CIAO3: variants seen among roughly 807,000 people sequenced by gnomAD.
CIAO3 encodes the protein LET1 like/JFP15.
Under a neutral mutation model 51.5 loss-of-function variants are expected in CIAO3, and 45 were observed. That is an observed-to-expected ratio of 0.87 (90% CI 0.69 to 1.12). CIAO3 has a LOEUF of 1.12. Ranked by LOEUF, CIAO3 falls within the 50% of genes most tolerant of loss-of-function variation. The pLI is 0.00. For synonymous variants in CIAO3, 314 were observed against 269.3 expected (o/e 1.17, Z -1.63); for missense variants, 668 against 632.5 (o/e 1.06, Z -0.60).
In CIAO3 at chr16:731,171, C is replaced by T. The variant is rs1457136602; in HGVS notation, c.1035-171G>A. ...ACGGAGAGAGAGGGTGGAAGGCTCA[C>T]TTCCTTGAGTCCAGCAGGGGACCTC... On this transcript the variant is annotated intron_variant, in intron 9 of 10. Coordinates refer to ENST00000251588, the MANE Select transcript of CIAO3 (RefSeq NM_022493.3). The T allele has an allele frequency of 2.2e-5, 19 of 858,370 alleles. 1 individual carries two copies. Among genetic ancestry groups the T allele is most frequent in the Admixed American group, 1.4e-4 (5 of 34,866 alleles). The allele number at this position is 858,370 out of a possible 1,614,324, so 53.2% of individuals were successfully genotyped here.
chr16:732,067 G>T, intron 8 of CIAO3: 1 of 554,822 alleles, frequency 1.8e-6, no homozygotes, highest in Non-Finnish European at 3.2e-6. Flanking sequence ...TAGTAGAGAT[G>T]AGGTTTCACC....
intron 3 of CIAO3, among the ~76,000 whole-genome samples, 184 bp from the exon 4 acceptor site, chr16:736,582 G>A (rs60385054): frequency 0.062 from 9,382 of 151,666 alleles, 981 homozygotes; most frequent in African/African-American, 0.22. Flanking sequence ...TGGTGCGATC[G>A]GAGCTCACTG....
In CIAO3 at chr16:737,025, G is replaced by T. The variant is rs1329107947; in HGVS notation, c.306+161C>A. The T allele has an allele frequency of 1.2e-6, 1 of 845,766 alleles. No individual in the cohort carries two copies. Among genetic ancestry groups the T allele is most frequent in the Non-Finnish European group, 1.9e-6 (1 of 536,056 alleles). The allele number at this position is 845,766 out of a possible 1,614,324, so 52.4% of individuals were successfully genotyped here. On this transcript the variant is annotated intron_variant, in intron 3 of 10. Transcript: ENST00000251588. The surrounding 1 kb of genome is among the most constrained non-coding windows in gnomAD (Gnocchi z 5.3). Reference sequence around the variant, plus strand: ...TTGGGGCCTGACACGTTCACCACTGGAGCCCACTGACAAATCACCAAGATT... The same window carrying T: ...TTGGGGCCTGACACGTTCACCACTGTAGCCCACTGACAAATCACCAAGATT...
chr16:739,515 A>T lies in CIAO3; in HGVS notation c.162+128T>A, dbSNP rs751310042. ...GCCTCCCAGATGGCAGGTGAATTCG[A>T]CCAGTGGGAAAAGACTGGTGAGACC... On this transcript the variant is annotated intron_variant, in intron 2 of 10. Transcript: ENST00000251588. The T allele has an allele frequency of 4.2e-6, 4 of 952,592 alleles. No homozygotes were observed. In the East Asian group the frequency reaches 7.4e-5, roughly 18 times the overall value. The allele number at this position is 952,592 out of a possible 1,614,324, so 59.0% of individuals were successfully genotyped here. A position where few individuals can be genotyped will look rare whatever the true frequency, so the allele number is the denominator to read the frequency against.
intron 9 of CIAO3, 105 bp downstream of exon 9, chr16:731,460 C>G: frequency 1.4e-6 from 2 of 1,401,798 alleles, no homozygotes; most frequent in Non-Finnish European, 1.9e-6. Flanking sequence ...AGGCTGCCCT[C>G]CACCCAGCCC....
chr16:739,660 A>AG lies in CIAO3; in HGVS notation c.144dup (p.Tyr49LeufsTer5). ...TGCCTTACTTGGTTAATTTGGAAGT[A>AG]GCTCCCGTCATCTTCAATGCGAATC... On this transcript the variant is annotated frameshift_variant, in exon 2 of 11. Coordinates refer to ENST00000251588, the MANE Select transcript of CIAO3 (RefSeq NM_022493.3). LOFTEE classifies it high-confidence loss of function. The AG allele has an allele frequency of 6.2e-7, 1 of 1,614,128 alleles. No individual in the cohort carries two copies. The highest frequency in any genetic ancestry group is 1.6e-4 in the Middle Eastern group (1 of 6,062).
chr16:736,563 G>A (rs1018525555), intron 3 of CIAO3, among the ~76,000 whole-genome samples, 165 bp from the exon 4 acceptor site: 11 of 151,910 alleles, frequency 7.2e-5, no homozygotes, highest in Non-Finnish European at 1.5e-4. Context: ...TGCCCAGGCT[G>A]GAGTGCAGTG....
Position 737,317 on chromosome 16 carries a change from G to A in CIAO3, c.175C>T (p.Arg59Trp), listed in dbSNP as rs766549702. 47 of 1,612,990 alleles carry A rather than the reference G, an allele frequency of 2.9e-5. No homozygotes were observed. Among genetic ancestry groups the A allele is most frequent in the East Asian group, 8.9e-5 (4 of 44,894 alleles). ...YFQINQDGGT[R>W]RLEKAKVSLN... ...GAGACCTTGGCCTTCTCCAGCCTCC[G>A]GGTCCCGCCGTCCTACAAGGGAGAA... Residue 59 changes from arginine to tryptophan, a missense_variant, in exon 3 of 11, where the codon CGG becomes TGG. Arg to Trp is a moderately radical substitution (Grantham distance 101). Transcript: ENST00000251588. This position sits in a 1 kb window ranked among gnomAD's most constrained non-coding sequence, Gnocchi z 5.3.
At position 740,948 on chromosome 16, in the gene CIAO3, T is replaced by G. The variant is rs973544129; in HGVS notation, c.38A>C (p.Asp13Ala). The G allele has an allele frequency of 2.6e-6, 4 of 1,521,620 alleles. No homozygotes were observed. Among genetic ancestry groups the G allele is most frequent in the Non-Finnish European group, 2.6e-6 (3 of 1,138,636 alleles). 94.3% of individuals were successfully genotyped at this position (1,521,620 alleles called of 1,614,324 possible). A position where few individuals can be genotyped will look rare whatever the true frequency, so the allele number is the denominator to read the frequency against. Residue 13 changes from aspartate to alanine, a missense_variant, in exon 1 of 11, where the codon GAC (aspartate) becomes GCC (alanine). Asp to Ala is a moderately radical substitution (Grantham distance 126). Transcript: ENST00000251588. ...SPFSGALQLT[D>A]LDDFIGPSQE... ...AGACGGCCCGATGAAGTCATCCAGG[T>G]CCGTCAGCTGCAGCGCCCCGCTGAA...
At position 733,423 on chromosome 16, in the gene CIAO3, A is replaced by G. The variant is rs750010882; in HGVS notation, c.698T>C (p.Leu233Ser). 2 of 1,613,686 alleles carry G rather than the reference A, an allele frequency of 1.2e-6. No homozygotes were observed. Among genetic ancestry groups the G allele is most frequent in the South Asian group, 1.1e-5 (1 of 91,088 alleles). The change falls in exon 7 of 11, where the codon TTG becomes TCG. Residue 233 changes from leucine to serine, a missense_variant. By Grantham distance (145) the Leu-to-Ser change is moderately radical. Coordinates refer to ENST00000251588, the MANE Select transcript of CIAO3 (RefSeq NM_022493.3). ...GACGTGGTAGATCTTGTCAGGGGTC[A>G]AGTGCTACAAGGAGAAACAAACACT... ...VKDFFAQQQH[L>S]TPDKIYHVTV...
chr16:733,272 C>G (rs775216530), intron 7 of CIAO3, 26 bp downstream of exon 7: 15 of 1,611,446 alleles, frequency 9.3e-6, no homozygotes, highest in Non-Finnish European at 1.2e-5. Context: ...GGCTTGAGGG[C>G]TCAGGGCCGC....
At chr16:732,019 C>A (rs2041288600) in intron 8 of CIAO3, 1 of 525,600 alleles carries the variant, frequency 1.9e-6, no homozygotes, top group Admixed American at 3.4e-5. Flanking sequence ...CAGGGCCTGG[C>A]ATGGATTACC....
At chr16:734,411 GC>G (rs2041317166) in intron 5 of CIAO3, 64 bp from the exon 6 acceptor site, 2 of 1,209,542 alleles carry the variant, frequency 1.7e-6, no homozygotes, top group Admixed American at 2.0e-5. Context: ...CCCACAGGCA[GC>G]AGCACGACAT....
In CIAO3 at chr16:740,915, C is replaced by T. The variant is rs1351778543; in HGVS notation, c.66+5G>A. 4.6e-6 allele frequency: 7 copies of T among 1,529,286 alleles called. No individual in the cohort carries two copies. The highest frequency in any genetic ancestry group is 2.0e-5 in the Admixed American group (1 of 50,622). 94.7% of individuals were successfully genotyped at this position (1,529,286 alleles called of 1,614,324 possible). On this transcript the variant is annotated splice_donor_5th_base_variant and intron_variant, in intron 1 of 10. Transcript: ENST00000251588. ...CCTCGACCCCGCCCGCCCAGGCCGG[C>T]CCACCTGAGACGGCCCGATGAAGTC...
chr16:740,805 G>T, intron 1 of CIAO3, 115 bp downstream of exon 1: 1 of 1,125,160 alleles, frequency 8.9e-7, no homozygotes, highest in Non-Finnish European at 1.3e-6. Flanking sequence ...CCCAGACCGG[G>T]CTCCCGGGAT....
Position 730,890 on chromosome 16 carries a change from C to G in CIAO3, c.1145G>C (p.Arg382Pro), listed in dbSNP as rs143356480. Residue 382 changes from arginine to proline, a missense_variant, in exon 10 of 11, where the codon CGA becomes CCA. Physicochemically the swap from Arg to Pro is moderately radical, Grantham distance 103. Transcript: ENST00000251588. ...CACGTAGTGGTAGGGGCAGCGCCCTCGTTTGAGCCTCTGCACCAGGTTCTG... is the reference window on the plus strand; with the variant it reads ...CACGTAGTGGTAGGGGCAGCGCCCTGGTTTGAGCCTCTGCACCAGGTTCTG... Reference protein sequence around the residue: ...NIQNLVQRLKRGRCPYHYVEV... With the variant: ...NIQNLVQRLKPGRCPYHYVEV... 1 of 1,612,900 alleles carries G rather than the reference C, an allele frequency of 6.2e-7. No individual in the cohort carries two copies. The highest frequency in any genetic ancestry group is 1.7e-5 in the Admixed American group (1 of 60,020).
chr16:736,306 T>C lies in CIAO3; in HGVS notation c.399A>G (p.Thr133=), dbSNP rs546077789. The change falls in exon 4 of 11, where the codon ACA becomes ACG. Residue 133 remains threonine (T), a synonymous_variant. Transcript: ENST00000251588. Reference sequence around the variant, plus strand: ...ATGAGGTTAATTTCCTGGCAGTATCTGTAGGATTCAGCTGAAACCGTGCAG... The same window carrying C: ...ATGAGGTTAATTTCCTGGCAGTATCCGTAGGATTCAGCTGAAACCGTGCAG... ...SLAARFQLNP[T]DTARKLTSFF... 2 of 1,613,038 alleles carry C rather than the reference T, an allele frequency of 1.2e-6. No individual in the cohort carries two copies. Among genetic ancestry groups the C allele is most frequent in the South Asian group, 2.2e-5 (2 of 91,068 alleles).
rs917655320 is a variant in CIAO3 at position 734,437 on chromosome 16, C to G, written c.575-90G>C. 9.4e-6 allele frequency: 9 copies of G among 955,656 alleles called. No individual in the cohort carries two copies. The Middle Eastern group carries it at 6.8e-4, about 72-fold the overall frequency. 59.2% of individuals were successfully genotyped at this position (955,656 alleles called of 1,614,324 possible). The stretch of plus-strand genomic sequence containing the variant: ...CAGCACGACATTCTGGGGGCGGGCC[C>G]GCTCATACAGGAGATCATGATGACA... On this transcript the variant is annotated intron_variant, in intron 5 of 10. Transcript: ENST00000251588.
In CIAO3 at chr16:734,292, G is replaced by T; in HGVS notation, c.630C>A (p.Ser210Arg). The change falls in exon 6 of 11, where the codon AGC (serine) becomes AGA (arginine). Residue 210 changes from serine to arginine, a missense_variant. By Grantham distance (110) the Ser-to-Arg change is moderately radical (BLOSUM62 -1). Transcript: ENST00000251588. Reference protein sequence around the residue: ...THGSFILPHISTARSPQQVMG... With the variant: ...THGSFILPHIRTARSPQQVMG... ...TGACCTGCTGCGGGGACCGGGCGGTGCTGATGTGGGGGAGGATGAAGCTGC... is the reference window on the plus strand; with the variant it reads ...TGACCTGCTGCGGGGACCGGGCGGTTCTGATGTGGGGGAGGATGAAGCTGC... 6.2e-7 allele frequency: 1 copy of T among 1,612,028 alleles called. No individual in the cohort carries two copies.
Sources: gnomAD v4.1 joint callset for allele counts (sites outside exome capture counted in the v4.1 genomes callset) on GRCh38, gnomAD v4.1.1 for gene constraint, Gnocchi (gnomAD v3.1) non-coding constraint, MANE v1.5 for transcripts, NCBI Gene and HGNC (gene_info 2026-07-23, HGNC 2026-07-21) for gene names.